The following ENO3 variants were observed in gnomAD, a reference collection of about 807,000 sequenced individuals.
The protein encoded by ENO3 is enolase 3.
In ENO3, 46 loss-of-function variants were observed where a neutral mutation model predicts 47.7. That is an observed-to-expected ratio of 0.96 (90% CI 0.76 to 1.23). ENO3 has a LOEUF of 1.23. ENO3 is among the 50% of genes most tolerant of loss of function. The pLI is 0.00. For synonymous variants in ENO3, 223 were observed against 225.9 expected, an observed-to-expected ratio of 0.99 and a Z score of 0.11; for missense variants, 575 against 566.2, an observed-to-expected ratio of 1.02 and a Z score of -0.16.
chr17:4,950,496 T>G, upstream of ENO3: 1 of 916,812 alleles, frequency 1.1e-6, no homozygotes, highest in Non-Finnish European at 1.3e-6. Flanking sequence ...CCCAGCGTTA[T>G]CAGTCGGGCG....
intron 9 of ENO3, 69 bp from the exon 10 acceptor site, chr17:4,956,504 C>A: frequency 2.0e-6 from 3 of 1,496,560 alleles, no homozygotes; most frequent in Admixed American, 3.3e-5. Flanking sequence ...AAGGGAGAGG[C>A]CCCACCCAAC....
At chr17:4,955,807 T>TTGTCTCTGCCC (rs71367864) in intron 8 of ENO3, 135 bp from the exon 9 acceptor site, 1 of 684,050 alleles carries the variant, frequency 1.5e-6, no homozygotes, top group South Asian at 1.5e-5. Context: ...TGTCTCTGCC[T>TTGTCTCTGCCC]TGTCTCTGCC....
chr17:4,948,767 G>C (rs1182464244), upstream of ENO3: 9 of 253,018 alleles, frequency 3.6e-5, no homozygotes, highest in Non-Finnish European at 6.0e-5. Flanking sequence ...AGAGGTGAAG[G>C]GTAGGGTTTG....
chr17:4,955,153 G>A lies in ENO3; in HGVS notation c.523G>A (p.Ala175Thr), dbSNP rs895278841. 3 of 1,614,146 alleles carry A rather than the reference G, an allele frequency of 1.9e-6. No homozygotes were observed. The highest frequency in any genetic ancestry group is 2.7e-5 in the African/African-American group (2 of 74,960). The part of the protein sequence containing the change: ...MQEFMILPVG[A>T]SSFKEAMRIG... ...GGAGTTCATGATTCTGCCTGTGGGA[G>A]CCAGCTCCTTCAAGGAAGCCATGCG... Residue 175 changes from alanine to threonine, a missense_variant, in exon 7 of 12, where the codon GCC (alanine) becomes ACC (threonine). Physicochemically the swap from Ala to Thr is moderately conservative, Grantham distance 58 (BLOSUM62 0). Transcript: ENST00000519602.
In ENO3 at chr17:4,952,809, G is replaced by A; in HGVS notation, c.100G>A (p.Ala34Thr). 2 of 1,610,984 alleles carry A rather than the reference G, an allele frequency of 1.2e-6. No individual in the cohort carries two copies. The highest frequency in any genetic ancestry group is 1.7e-6 in the Non-Finnish European group (2 of 1,178,350). The change falls in exon 3 of 12, where the codon GCT becomes ACT. Residue 34 changes from alanine (A) to threonine (T), a missense_variant. By Grantham distance (58) the Ala-to-Thr change is moderately conservative. Transcript: ENST00000519602. ...TCCTGTCCCAGGCCGATTCCGAGCA[G>A]CTGTGCCCAGTGGGGCTTCCACGGG... ...LHTAKGRFRAAVPSGASTGIY... is the reference protein window; with the variant it reads ...LHTAKGRFRATVPSGASTGIY...
At position 4,956,678 on chromosome 17, in the gene ENO3, A is replaced by C; in HGVS notation, c.1173A>C (p.Gly391=). The C allele has an allele frequency of 6.2e-7, 1 of 1,614,164 alleles. No homozygotes were observed. The highest frequency in any genetic ancestry group is 8.5e-7 in the Non-Finnish European group (1 of 1,180,036). Residue 391 remains glycine (G), a synonymous_variant, in exon 10 of 12, where the codon GGA becomes GGC. Coordinates refer to ENST00000519602, the MANE Select transcript of ENO3 (RefSeq NM_053013.4). ...ACCTTGTGGTGGGGCTCTGCACAGG[A>C]CAGGTACTTGTAGCTTCTCTCTACT... is the stretch of plus-strand genomic sequence containing the variant. ...IADLVVGLCT[G]QIKTGAPCRS...
In ENO3 at chr17:4,957,050, A is replaced by G. The variant is rs780889198; in HGVS notation, c.*3A>G. 1.1e-5 allele frequency: 17 copies of G among 1,613,956 alleles called. No individual in the cohort carries two copies. The highest frequency in any genetic ancestry group is 8.3e-5 in the Admixed American group (5 of 60,012). ...TCCGTAACCCGAAGGCCAAGTGAGA[A>G]GCTGGAGGCTCCAGGACTCCACTGG... On this transcript the variant is annotated 3_prime_UTR_variant, in exon 12 of 12. Transcript: ENST00000519602.
At position 4,955,948 on chromosome 17, in the gene ENO3, C is replaced by A. The variant is rs1188681867; in HGVS notation, c.872C>A (p.Ser291Tyr). Residue 291 changes from serine to tyrosine, a missense_variant, in exon 9 of 12, where the codon TCC becomes TAC. Transcript: ENST00000519602. ...KSFIKNYPVV[S>Y]IEDPFDQDDW... ...CTGCTCCAAACCCCACCAGTGGTCT[C>A]CATCGAAGACCCCTTTGACCAGGAT... 6.2e-7 allele frequency: 1 copy of A among 1,613,510 alleles called. No individual in the cohort carries two copies. Among genetic ancestry groups the A allele is most frequent in the East Asian group, 2.2e-5 (1 of 44,828 alleles).
chr17:4,956,891 T>C lies in ENO3; in HGVS notation c.1235+2T>C. On this transcript the variant is annotated splice_donor_variant, in intron 11 of 11. Coordinates refer to ENST00000519602, the MANE Select transcript of ENO3 (RefSeq NM_053013.4). LOFTEE classifies it high-confidence loss of function. ...GGCCAAATACAACCAACTCATGAGG[T>C]ACAGCGGGAACAGTGGGCCTGGGCA... The C allele has an allele frequency of 6.2e-7, 1 of 1,614,158 alleles. No homozygotes were observed. Among genetic ancestry groups the C allele is most frequent in the Non-Finnish European group, 8.5e-7 (1 of 1,180,024 alleles).
intron 2 of ENO3, chr17:4,952,445 G>A (rs751284375): frequency 1.1e-5 from 4 of 349,626 alleles, no homozygotes; most frequent in East Asian, 7.5e-5. Flanking sequence ...CCGGGTTCAC[G>A]CCATTCTCCT....
chr17:4,955,213 G>A lies in ENO3; in HGVS notation c.583G>A (p.Val195Ile). The change falls in exon 7 of 12, where the codon GTC becomes ATC. Residue 195 changes from valine to isoleucine, a missense_variant. Coordinates refer to ENST00000519602, the MANE Select transcript of ENO3 (RefSeq NM_053013.4). ...CGAGGTCTACCACCACCTCAAGGGG[G>A]TCATCAAGGCCAAGTATGGGAAGGA... Reference protein sequence around the residue: ...GAEVYHHLKGVIKAKYGKDAT... With the variant: ...GAEVYHHLKGIIKAKYGKDAT... 1 of 1,614,284 alleles carries A rather than the reference G, an allele frequency of 6.2e-7. No individual in the cohort carries two copies. Among genetic ancestry groups the A allele is most frequent in the Non-Finnish European group, 8.5e-7 (1 of 1,180,050 alleles).
chr17:4,955,675 AC>A, intron 8 of ENO3, 71 bp downstream of exon 8: 4 of 1,597,158 alleles, frequency 2.5e-6, no homozygotes, highest in Non-Finnish European at 3.4e-6. Flanking sequence ...GATTTCAGTG[AC>A]CTGCTTTGCC....
rs1567673362 is a variant in ENO3, at chr17:4,956,073, G to T, written c.997G>T (p.Glu333Ter). Residue 333 changes from glutamate (E) to a stop codon, truncating the protein, a stop_gained, in exon 9 of 12, where the codon GAG becomes TAG. Transcript: ENST00000519602. LOFTEE classifies it high-confidence loss of function. Reference protein sequence around the residue: ...TNPKRIAQAVEKKACNCLLLK... With the variant: ...TNPKRIAQAV ...CCCCAAGAGGATTGCCCAGGCCGTT[G>T]AGAAGAAGGCCTGCAACTGTCTGCT... 1 of 1,614,090 alleles carries T rather than the reference G, an allele frequency of 6.2e-7. No individual in the cohort carries two copies. The highest frequency in any genetic ancestry group is 1.7e-5 in the Admixed American group (1 of 60,014).
intron 6 of ENO3, 94 bp from the exon 7 acceptor site, chr17:4,954,981 G>A (rs1971671423): frequency 1.4e-5 from 16 of 1,146,406 alleles, no homozygotes; most frequent in Non-Finnish European, 1.9e-5. Flanking sequence ...TAGTAAGTAG[G>A]GAAGCCAGGT....
At chr17:4,956,795 C>G (rs771733378) in intron 10 of ENO3, 36 bp from the exon 11 acceptor site, 4 of 1,614,218 alleles carry the variant, frequency 2.5e-6, no homozygotes, top group Non-Finnish European at 3.4e-6. Context: ...CCTTTCCAGC[C>G]TCACCTAACC....
intron 1 of ENO3, 90 bp from the exon 2 acceptor site, chr17:4,951,738 T>A: frequency 7.0e-7 from 1 of 1,430,554 alleles, no homozygotes. Context: ...ACCTGCCTTC[T>A]TGGAGTGGGG....
rs199677913 is a variant in ENO3, at chr17:4,951,906, C to A, written c.77C>A (p.Thr26Lys). ...GNPTVEVDLH[T>K]AKGRFRAAVP... The stretch of plus-strand genomic sequence containing the variant: ...CCCACGGTGGAGGTGGACCTGCACA[C>A]GGCCAAGGGTAACACAAGGCCCATT... The change falls in exon 2 of 12, where the codon ACG (threonine) becomes AAG (lysine). Residue 26 changes from threonine to lysine, a missense_variant. Thr to Lys is a moderately conservative substitution (Grantham distance 78, BLOSUM62 -1). Coordinates refer to ENST00000519602, the MANE Select transcript of ENO3 (RefSeq NM_053013.4). 2.1e-4 allele frequency: 347 copies of A among 1,614,020 alleles called. No homozygotes were observed. The highest frequency in any genetic ancestry group is 2.8e-4 in the Non-Finnish European group (334 of 1,180,000).
upstream of ENO3, chr17:4,950,579 A>G: frequency 1.0e-6 from 1 of 985,332 alleles, no homozygotes; most frequent in Non-Finnish European, 1.2e-6. Context: ...GCTGGCCTGG[A>G]GAGGGTAGGA....
chr17:4,950,559 C>T (rs950419494), upstream of ENO3: 12 of 985,422 alleles, frequency 1.2e-5, no homozygotes, highest in African/African-American at 2.1e-4. Flanking sequence ...CCTAACTCAT[C>T]CCGGCGCTGG....
Sources: allele counts gnomAD v4.1 joint callset, GRCh38; gene constraint gnomAD v4.1.1; transcripts MANE v1.5; gene names NCBI Gene and HGNC (gene_info 2026-07-23, HGNC 2026-07-21).